Variants in USP31 observed in about 807,000 individuals in gnomAD.
USP31 encodes ubiquitin specific peptidase 31, also known as ubiquitin carboxyl-terminal hydrolase 31.
USP31 carries 44 observed loss-of-function variants against 119.4 expected under a neutral mutation model. That is an observed-to-expected ratio of 0.37 (90% CI 0.29 to 0.47). The LOEUF is 0.47. USP31 is among the 20% of genes least tolerant of loss of function. The probability of loss-of-function intolerance (pLI) is 0.99; values close to 1 mark genes in which losing one functional copy is unlikely to be tolerated. For synonymous variants in USP31, 749 were observed against 705.6 expected, an observed-to-expected ratio of 1.06 and a Z score of -0.97; for missense variants, 1,643 against 1,730.2, an observed-to-expected ratio of 0.95 and a Z score of 0.89.
chr16:23,131,780 T>G lies in USP31; in HGVS notation c.633+16858A>C, dbSNP rs545565903. Among the ~76,000 whole-genome samples the G allele has an allele frequency of 1.6e-4, 24 of 152,302 alleles. No individual in the cohort carries two copies. In the East Asian group the frequency reaches 4.6e-3, roughly 29 times the overall value. On this transcript the variant is annotated intron_variant, in intron 1 of 15. Transcript: ENST00000219689. ...CACAAATAAGCGGCATTTCCATCAC[T>G]GTGATTATTATTGTTTCTTAAATCT...
At chr16:23,115,019 C>T (rs967956961) in intron 1 of USP31, among the ~76,000 whole-genome samples, 1 of 148,062 alleles carries the variant, frequency 6.8e-6, no homozygotes, top group Non-Finnish European at 1.5e-5. Context: ...GCTCAAGCTC[C>T]GGCTCTGCCA....
rs1164432860 is a variant in USP31, at chr16:23,064,552, G to T, written c.*3494C>A. On this transcript the variant is annotated 3_prime_UTR_variant, in exon 16 of 16. Transcript: ENST00000219689. ...CTAAATAGTAGAGACAGCTCAGTCT[G>T]AAAAGGTGGATGGAAGAGTAAAATG... 1 of 152,202 alleles carries T rather than the reference G, an allele frequency of 6.6e-6. No homozygotes were observed. Among genetic ancestry groups the T allele is most frequent in the Admixed American group, 6.5e-5 (1 of 15,276 alleles). The allele number at this position is 152,202 out of a possible 1,614,324, so 9.4% of individuals were successfully genotyped here.
chr16:23,119,112 T>C (rs1460812357), intron 1 of USP31, among the ~76,000 whole-genome samples: 1 of 151,782 alleles, frequency 6.6e-6, no homozygotes, highest in Non-Finnish European at 1.5e-5. Flanking sequence ...TTTCTTTTTT[T>C]TTTTTTGAGA....
chr16:23,116,366 T>C (rs1444743941), intron 1 of USP31, among the ~76,000 whole-genome samples: 2 of 152,222 alleles, frequency 1.3e-5, no homozygotes, highest in African/African-American at 4.8e-5. Flanking sequence ...AGCACTTGTC[T>C]TGAGAAAAGT....
Position 23,082,491 on chromosome 16 carries a change from T to G in USP31, c.1897A>C (p.Ser633Arg). The change falls in exon 12 of 16, where the codon AGC (serine) becomes CGC (arginine). Residue 633 changes from serine (S) to arginine (R), a missense_variant. Transcript: ENST00000219689. ...AGCACATCAGGCAGAGTCCAGAGGC[T>G]TAACGTAATGCTTCCCTGCTGCAGC... ...KQLQQGSITL[S>R]LWTLPDVLII... 6.2e-7 allele frequency: 1 copy of G among 1,614,214 alleles called. No homozygotes were observed. The highest frequency in any genetic ancestry group is 8.5e-7 in the Non-Finnish European group (1 of 1,180,036).
chr16:23,115,676 A>G (rs903296808), intron 1 of USP31: 2 of 645,652 alleles, frequency 3.1e-6, no homozygotes, highest in Admixed American at 6.3e-5. Flanking sequence ...CTATAAACAC[A>G]TTTGACCCCT....
chr16:23,068,183 C>T lies in USP31; in HGVS notation c.3922G>A (p.Ala1308Thr), dbSNP rs760866017. 38 of 1,614,034 alleles carry T rather than the reference C, an allele frequency of 2.4e-5. No individual in the cohort carries two copies. The East Asian group carries it at 3.8e-4, about 16-fold the overall frequency. ...AGTTGGGAAGACTTGGATTTGCGAG[C>T]GGACAGCAGGGAATGTTTGGCAGAA... ...PASAKHSLLS[A>T]RKSKSSQLDS... The change falls in exon 16 of 16, where the codon GCT (alanine) becomes ACT (threonine). Residue 1308 changes from alanine (A) to threonine (T), a missense_variant. By Grantham distance (58) the Ala-to-Thr change is moderately conservative. Transcript: ENST00000219689.
rs926088323 is a variant in USP31 at position 23,062,169 on chromosome 16, G to A, written c.*5877C>T. 9 of 152,518 alleles carry A rather than the reference G, an allele frequency of 5.9e-5. No individual in the cohort carries two copies. Among genetic ancestry groups the A allele is most frequent in the Admixed American group, 6.5e-5 (1 of 15,280 alleles). The allele number at this position is 152,518 out of a possible 1,614,324, so 9.4% of individuals were successfully genotyped here. On this transcript the variant is annotated 3_prime_UTR_variant, in exon 16 of 16. Coordinates refer to ENST00000219689, the MANE Select transcript of USP31 (RefSeq NM_020718.4). ...ACCAGGTAAATTGTGGTGTTTTGTA[G>A]GCAGCATGAGGCTCGACAGAATGAA...
At chr16:23,092,035 C>T (rs1169547904) in intron 6 of USP31, among the ~76,000 whole-genome samples, 1 of 152,140 alleles carries the variant, frequency 6.6e-6, no homozygotes, top group Non-Finnish European at 1.5e-5. Flanking sequence ...ACATTGTCAA[C>T]TGCACAGAAA....
In USP31 at chr16:23,102,315, T is replaced by G; in HGVS notation, c.1234+4A>C. The G allele has an allele frequency of 6.2e-7, 1 of 1,612,848 alleles. No individual in the cohort carries two copies. Among genetic ancestry groups the G allele is most frequent in the Non-Finnish European group, 8.5e-7 (1 of 1,179,594 alleles). On this transcript the variant is annotated splice_donor_region_variant and intron_variant, in intron 6 of 15. Coordinates refer to ENST00000219689, the MANE Select transcript of USP31 (RefSeq NM_020718.4). ...TGGCATTATGGAAACAGGAGCTCCC[T>G]TACCTCTTTGACTGAGAATTCCTTC...
At chr16:23,119,875 T>C (rs1902611530) in intron 1 of USP31, among the ~76,000 whole-genome samples, 1 of 152,172 alleles carries the variant, frequency 6.6e-6, no homozygotes, top group Middle Eastern at 3.2e-3. Flanking sequence ...TCCATCTGTC[T>C]TTCATCAGTA....
At chr16:23,134,128 G>C (rs556485154) in intron 1 of USP31, among the ~76,000 whole-genome samples, 16 of 148,928 alleles carry the variant, frequency 1.1e-4, no homozygotes, top group African/African-American at 4.0e-4. Context: ...CACACAAATC[G>C]AACAGATTAC....
At chr16:23,084,775 G>A in intron 11 of USP31, 85 bp downstream of exon 11, 1 of 1,561,948 alleles carries the variant, frequency 6.4e-7, no homozygotes, top group Non-Finnish European at 8.7e-7. Context: ...GACTTCTGGG[G>A]CGTGATTTGT....
chr16:23,125,978 G>A (rs1902838783), intron 1 of USP31, among the ~76,000 whole-genome samples: 1 of 152,084 alleles, frequency 6.6e-6, no homozygotes, highest in Non-Finnish European at 1.5e-5. Flanking sequence ...ATTTGCTCAT[G>A]AATATGCACA....
chr16:23,114,339 AG>A (rs1400147235), intron 1 of USP31, among the ~76,000 whole-genome samples: 1 of 152,092 alleles, frequency 6.6e-6, no homozygotes, highest in East Asian at 1.9e-4. Context: ...TAGGTGTAAC[AG>A]GGGTAATGAC....
rs893854485 is a variant in USP31 at position 23,062,056 on chromosome 16, A to G, written c.*5990T>C. ...CATATTGCATTTGGACGACTGCAAC[A>G]GATATCATTATTCTGGATGGCCTTT... On this transcript the variant is annotated 3_prime_UTR_variant, in exon 16 of 16. Transcript: ENST00000219689. 6.5e-6 allele frequency: 1 copy of G among 152,684 alleles called. No individual in the cohort carries two copies. Among genetic ancestry groups the G allele is most frequent in the African/African-American group, 2.4e-5 (1 of 41,470 alleles). 9.5% of individuals were successfully genotyped at this position (152,684 alleles called of 1,614,324 possible). A position where few individuals can be genotyped will look rare whatever the true frequency, so the allele number is the denominator to read the frequency against.
intron 14 of USP31, chr16:23,072,411 T>C (rs1308156737): frequency 4.7e-6 from 3 of 637,480 alleles, no homozygotes; most frequent in Non-Finnish European, 8.2e-6. Context: ...TCCTGACGCA[T>C]GAAATTTGTA....
chr16:23,085,304 C>T (rs1025573619), intron 10 of USP31, among the ~76,000 whole-genome samples: 2 of 152,090 alleles, frequency 1.3e-5, no homozygotes, highest in Non-Finnish European at 2.9e-5. Context: ...ATTAATGGGC[C>T]TGTAATAAAA....
At chr16:23,083,713 A>AGGGGGGGG (rs1900954021) in intron 11 of USP31, among the ~76,000 whole-genome samples, 20 of 36,688 alleles carry the variant, frequency 5.5e-4, no homozygotes, top group Non-Finnish European at 8.1e-4. Context: ...GGGGGGGGGA[A>AGGGGGGGG]GGGGTGAAAA....
Sources: allele counts gnomAD v4.1 joint callset (sites outside exome capture counted in the v4.1 genomes callset), GRCh38; gene constraint gnomAD v4.1.1; transcripts MANE v1.5; gene names NCBI Gene and HGNC (gene_info 2026-07-23, HGNC 2026-07-21).